The following CCSER1 variants were observed in gnomAD, a reference collection of about 807,000 sequenced individuals.
CCSER1 encodes coiled-coil serine rich protein 1, also known as serine-rich coiled-coil domain-containing protein 1.
CCSER1 carries 41 observed loss-of-function variants against 82.0 expected under a neutral mutation model. The ratio of observed to expected loss-of-function variants is 0.50; its 90% confidence interval spans 0.39 to 0.65. The LOEUF (loss-of-function observed/expected upper bound fraction) is 0.65. Ranked by LOEUF, CCSER1 falls within the 30% of genes least tolerant of loss-of-function variation. The pLI is 0.00. For synonymous variants in CCSER1, 414 were observed against 383.9 expected (o/e 1.08, Z -0.92); for missense variants, 1,119 against 1,064.2 (o/e 1.05, Z -0.72).
intron 5 of CCSER1, among the ~76,000 whole-genome samples, chr4:90,498,240 GA>G (rs1272468528): frequency 6.6e-6 from 1 of 152,056 alleles, no homozygotes; most frequent in East Asian, 1.9e-4. Context: ...TAATTAAATA[GA>G]ACAATAATAA....
chr4:91,206,558 C>G (rs1394387123), intron 10 of CCSER1, among the ~76,000 whole-genome samples: 2 of 151,802 alleles, frequency 1.3e-5, no homozygotes, highest in Non-Finnish European at 2.9e-5. Context: ...AAGGCCTTGC[C>G]CTCTTGGAAC....
At chr4:90,986,804 G>A (rs903930710) in intron 9 of CCSER1, among the ~76,000 whole-genome samples, 1 of 151,668 alleles carries the variant, frequency 6.6e-6, no homozygotes, top group Non-Finnish European at 1.5e-5. Context: ...TTACAATTTC[G>A]ATATTATTAC....
chr4:91,081,710 C>G (rs1165751415), intron 9 of CCSER1, among the ~76,000 whole-genome samples: 1 of 152,190 alleles, frequency 6.6e-6, no homozygotes, highest in Non-Finnish European at 1.5e-5. Flanking sequence ...GCAACTTCAG[C>G]AAAGTCTCAG....
chr4:91,349,678 C>T (rs1748334403), intron 10 of CCSER1, among the ~76,000 whole-genome samples: 1 of 151,662 alleles, frequency 6.6e-6, no homozygotes, highest in East Asian at 1.9e-4. Flanking sequence ...TACTTTTTCT[C>T]TTCCCCTGCT....
chr4:90,912,211 T>G (rs1345345923), intron 8 of CCSER1, among the ~76,000 whole-genome samples: 2 of 152,174 alleles, frequency 1.3e-5, no homozygotes, highest in Admixed American at 1.3e-4. Context: ...GCGAGTAGCC[T>G]AACTGGGAGG....
intron 10 of CCSER1, among the ~76,000 whole-genome samples, chr4:91,490,732 A>G (rs1004993796): frequency 5.3e-4 from 80 of 149,862 alleles, no homozygotes; most frequent in African/African-American, 1.7e-3. Context: ...GTAATCTAGT[A>G]TATGTTTTAA....
chr4:90,593,588 C>T (rs760427364), intron 5 of CCSER1, among the ~76,000 whole-genome samples: 1 of 152,008 alleles, frequency 6.6e-6, no homozygotes, highest in Non-Finnish European at 1.5e-5. Context: ...CTAGGAAGTC[C>T]TTAGGTTTCC....
chr4:90,638,447 C>T (rs1434092232), intron 6 of CCSER1, among the ~76,000 whole-genome samples: 2 of 152,052 alleles, frequency 1.3e-5, no homozygotes, highest in East Asian at 3.9e-4. Flanking sequence ...TACAGACTAA[C>T]TTAGTATTGT....
At chr4:90,544,184 G>A (rs113136006) in intron 5 of CCSER1, among the ~76,000 whole-genome samples, 21 of 152,142 alleles carry the variant, frequency 1.4e-4, no homozygotes, top group East Asian at 7.8e-4. Flanking sequence ...ATCCTTTGTC[G>A]TGGAGAAAAA....
intron 1 of CCSER1, among the ~76,000 whole-genome samples, chr4:90,255,860 C>G (rs1487527663): frequency 6.6e-6 from 1 of 152,094 alleles, no homozygotes; most frequent in African/African-American, 2.4e-5. Flanking sequence ...TGTATAATGT[C>G]ACCCAATTGT....
chr4:91,185,364 G>A (rs907831954), intron 10 of CCSER1, among the ~76,000 whole-genome samples: 4 of 152,190 alleles, frequency 2.6e-5, no homozygotes, highest in African/African-American at 9.7e-5. Context: ...AATGACTCCT[G>A]TATGTATTTG....
chr4:90,245,897 T>TG (rs1721324941), intron 1 of CCSER1, among the ~76,000 whole-genome samples: 2 of 152,030 alleles, frequency 1.3e-5, no homozygotes, highest in African/African-American at 2.4e-5. Flanking sequence ...CTAAGAAAAG[T>TG]GAAAAAAAAG....
At chr4:90,623,282 C>A (rs1722690891) in intron 5 of CCSER1, among the ~76,000 whole-genome samples, 2 of 152,048 alleles carry the variant, frequency 1.3e-5, no homozygotes, top group Non-Finnish European at 2.9e-5. Flanking sequence ...GATCCCCCAA[C>A]CTCGGCCTCC....
intron 1 of CCSER1, among the ~76,000 whole-genome samples, chr4:90,222,358 C>A (rs897435773): frequency 9.2e-5 from 14 of 152,266 alleles, no homozygotes; most frequent in African/African-American, 3.4e-4. Context: ...CTTCACTATT[C>A]ATGCCACCAC....
intron 10 of CCSER1, among the ~76,000 whole-genome samples, chr4:91,578,785 G>A (rs1016606308): frequency 6.6e-6 from 1 of 151,766 alleles, no homozygotes; most frequent in African/African-American, 2.4e-5. Flanking sequence ...TAACAATATT[G>A]ATTATTCTGC....
At chr4:90,593,733 C>G (rs2048398) in intron 5 of CCSER1, among the ~76,000 whole-genome samples, 3 of 151,524 alleles carry the variant, frequency 2.0e-5, no homozygotes, top group Non-Finnish European at 4.4e-5. Flanking sequence ...CCTTTACACC[C>G]GAATTCTGCT....
chr4:90,462,650 C>T (rs147829997), intron 4 of CCSER1, among the ~76,000 whole-genome samples: 3,941 of 152,202 alleles, frequency 0.026, 76 homozygotes, highest in Non-Finnish European at 0.042. Context: ...GCAGGCGGAT[C>T]GCTTGAGCCC....
chr4:90,619,762 T>C (rs985322931), intron 5 of CCSER1, among the ~76,000 whole-genome samples: 9 of 152,036 alleles, frequency 5.9e-5, no homozygotes, highest in African/African-American at 1.2e-4. Context: ...TGTATCTTTA[T>C]GTGTATAGAA....
At chr4:91,183,984 G>T (rs1312675689) in intron 10 of CCSER1, among the ~76,000 whole-genome samples, 1 of 152,144 alleles carries the variant, frequency 6.6e-6, no homozygotes, top group Non-Finnish European at 1.5e-5. Context: ...CCTACGTATG[G>T]TTACTTTCTG....
Sources: allele counts gnomAD v4.1 joint callset (sites outside exome capture counted in the v4.1 genomes callset), GRCh38; gene constraint gnomAD v4.1.1; transcripts MANE v1.5; gene names NCBI Gene and HGNC (gene_info 2026-07-23, HGNC 2026-07-21).